Variants in LMO7 observed in about 807,000 individuals in gnomAD.
LMO7 encodes the protein LIM domain only protein 7.
A neutral mutation model predicts 206.5 loss-of-function variants in LMO7; 120 were observed. The ratio of observed to expected loss-of-function variants is 0.58; its 90% confidence interval spans 0.50 to 0.68. LMO7 has a LOEUF of 0.68. Among genes scored for constraint, LMO7 ranks in the 30% least tolerant of loss-of-function variants. The pLI is 0.00. For missense variants in LMO7, 1,959 were observed against 1,957.9 expected (o/e 1.00, Z -0.01); for synonymous variants, 706 against 681.5 (o/e 1.04, Z -0.56).
chr13:75,633,101 G>A (rs187621047), upstream of LMO7, among the ~76,000 whole-genome samples: 134 of 152,118 alleles, frequency 8.8e-4, 1 homozygote, highest in African/African-American at 3.2e-3. Flanking sequence ...CTGGCTTAGT[G>A]ACCCGCCCGC....
chr13:75,634,254 T>C (rs184861068), upstream of LMO7, among the ~76,000 whole-genome samples: 32 of 151,616 alleles, frequency 2.1e-4, no homozygotes, highest in African/African-American at 7.5e-4. Flanking sequence ...CTGGACAACA[T>C]AGTGAGACCC....
chr13:75,623,321 G>T lies in LMO7; in HGVS notation c.225+1G>T. ...TTCAGGAAGGACTATTCTCATTAAGGTAATATTTTTCTGTATTTTCTAAGG... is the reference window on the plus strand; with the variant it reads ...TTCAGGAAGGACTATTCTCATTAAGTTAATATTTTTCTGTATTTTCTAAGG... On this transcript the variant is annotated splice_donor_variant, in intron 2 of 29. Transcript: ENST00000341547. LOFTEE classifies it high-confidence loss of function. The T allele has an allele frequency of 1.4e-6, 2 of 1,396,558 alleles. No individual in the cohort carries two copies. The highest frequency in any genetic ancestry group is 2.0e-6 in the Non-Finnish European group (2 of 985,898). 86.5% of individuals were successfully genotyped at this position (1,396,558 alleles called of 1,614,324 possible). A position where few individuals can be genotyped will look rare whatever the true frequency, so the allele number is the denominator to read the frequency against.
At chr13:75,760,483 C>A in intron 3 of LMO7, 1 of 1,259,300 alleles carries the variant, frequency 7.9e-7, no homozygotes. Flanking sequence ...CAGAATGTTC[C>A]TCCTCTTATT....
At chr13:75,765,058 TAA>T (rs768852010) in intron 4 of LMO7, among the ~76,000 whole-genome samples, 30 of 152,010 alleles carry the variant, frequency 2.0e-4, no homozygotes, top group Non-Finnish European at 3.8e-4. Flanking sequence ...ATCAGGAAAA[TAA>T]AAGAGTCTCA....
At chr13:75,769,105 T>G (rs2049288946) in intron 4 of LMO7, among the ~76,000 whole-genome samples, 2 of 152,204 alleles carry the variant, frequency 1.3e-5, no homozygotes, top group South Asian at 4.1e-4. Flanking sequence ...AGATAAAACT[T>G]TATTTTTTTT....
chr13:75,818,145 A>G (rs929950030), intron 12 of LMO7, among the ~76,000 whole-genome samples: 1 of 152,222 alleles, frequency 6.6e-6, no homozygotes, highest in Non-Finnish European at 1.5e-5. Flanking sequence ...GTCAAGAAAC[A>G]GTAATTCAAT....
At chr13:75,631,321 C>T (rs2034915444) in intron 2 of LMO7, 1 of 152,318 alleles carries the variant, frequency 6.6e-6, no homozygotes, top group Non-Finnish European at 1.5e-5. Context: ...CGCAACTGGC[C>T]TCCTTTTACA....
chr13:75,817,566 G>A (rs2057163525), intron 12 of LMO7, among the ~76,000 whole-genome samples: 1 of 152,090 alleles, frequency 6.6e-6, no homozygotes, highest in Non-Finnish European at 1.5e-5. Flanking sequence ...TTACTTACTT[G>A]TTTTGGTGGT....
chr13:75,794,684 C>T (rs1264504570), intron 4 of LMO7, among the ~76,000 whole-genome samples: 1 of 152,120 alleles, frequency 6.6e-6, no homozygotes, highest in African/African-American at 2.4e-5. Flanking sequence ...TTTAGGATGA[C>T]CCATCCCTTT....
chr13:75,681,561 A>G (rs938433239), intron 1 of LMO7, among the ~76,000 whole-genome samples: 1 of 151,154 alleles, frequency 6.6e-6, no homozygotes, highest in East Asian at 1.9e-4. Flanking sequence ...CTCCCCCACC[A>G]AGTTTCTTTG....
intron 8 of LMO7, 191 bp from the exon 9 acceptor site, chr13:75,805,288 C>A: frequency 2.1e-6 from 2 of 941,648 alleles, no homozygotes; most frequent in Non-Finnish European, 1.5e-6. Flanking sequence ...CCGTGTGTAT[C>A]TAGCTATCCT....
intron 3 of LMO7, among the ~76,000 whole-genome samples, chr13:75,735,364 T>TAC (rs139581801): frequency 0.013 from 2,001 of 150,260 alleles, 33 homozygotes; most frequent in East Asian, 0.064. Flanking sequence ...TGTATTTGTA[T>TAC]ACACACACAC....
intron 15 of LMO7, among the ~76,000 whole-genome samples, chr13:75,829,681 C>T (rs1019385835): frequency 3.6e-5 from 5 of 139,016 alleles, no homozygotes; most frequent in South Asian, 2.5e-4. Flanking sequence ...TTTTCGATTT[C>T]GTGTTTAATA....
Position 75,796,619 on chromosome 13 carries a change from A to ATTT in LMO7, c.349-6_349-4dup. On this transcript the variant is annotated splice_polypyrimidine_tract_variant and intron_variant, in intron 5 of 30. Coordinates refer to ENST00000377534, the MANE Select transcript of LMO7 (RefSeq NM_001306080.2). ...AATCGACTGATCTTGTTGTTCATGG[A>ATTT]TTTTTTTTTTTTTAAGGTTTTGATA... The ATTT allele has an allele frequency of 7.7e-6, 10 of 1,300,384 alleles. No homozygotes were observed. The highest frequency in any genetic ancestry group is 1.1e-5 in the Non-Finnish European group (10 of 929,184). The allele number at this position is 1,300,384 out of a possible 1,614,324, so 80.6% of individuals were successfully genotyped here.
At chr13:75,681,645 G>A (rs1181437539) in intron 1 of LMO7, among the ~76,000 whole-genome samples, 1 of 144,930 alleles carries the variant, frequency 6.9e-6, no homozygotes. Context: ...TCTGCTTTTA[G>A]TCCTTATAGG....
intron 1 of LMO7, among the ~76,000 whole-genome samples, chr13:75,638,405 T>A (rs2036186174): frequency 6.6e-6 from 1 of 152,182 alleles, no homozygotes; most frequent in Admixed American, 6.5e-5. Flanking sequence ...AAGATATCAT[T>A]GCGCATATTA....
At chr13:75,837,592 T>C (rs1169716487) in intron 19 of LMO7, among the ~76,000 whole-genome samples, 4 of 152,188 alleles carry the variant, frequency 2.6e-5, no homozygotes, top group Admixed American at 2.6e-4. Context: ...CTTTACTTAA[T>C]AGTAGTAGCT....
chr13:75,814,928 A>T (rs2056819339), intron 11 of LMO7, among the ~76,000 whole-genome samples: 2 of 152,152 alleles, frequency 1.3e-5, no homozygotes, highest in South Asian at 4.1e-4. Context: ...GCTGGAGCAG[A>T]GGGAGTGGGG....
chr13:75,800,638 T>G, intron 6 of LMO7, 46 bp from the exon 7 acceptor site: 1 of 1,536,538 alleles, frequency 6.5e-7, no homozygotes, highest in East Asian at 2.3e-5. Context: ...TTATATTTTT[T>G]GGAAGTTTAT....
Sources: allele counts gnomAD v4.1 joint callset (sites outside exome capture counted in the v4.1 genomes callset), GRCh38; gene constraint gnomAD v4.1.1; transcripts MANE v1.5; gene names NCBI Gene and HGNC (gene_info 2026-07-23, HGNC 2026-07-21).